The following STK11 variants were observed in gnomAD, a reference collection of about 807,000 sequenced individuals.
The protein encoded by STK11 is serine/threonine kinase 11.
In STK11, 8 loss-of-function variants were observed where a neutral mutation model predicts 47.3. The ratio of observed to expected loss-of-function variants is 0.17; its 90% CI spans 0.10 to 0.31. The LOEUF (loss-of-function observed/expected upper bound fraction) is 0.31, where lower values mean the gene tolerates loss of function less well. STK11 is among the 10% of genes least tolerant of loss of function. The pLI is 1.00. For missense variants in STK11, 475 were observed against 605.0 expected (o/e 0.79, Z 2.25); for synonymous variants, 330 against 255.8 (o/e 1.29, Z -2.77).
chr19:1,221,523 G>C (rs1176087399), intron 6 of STK11, 183 bp downstream of exon 6: 6 of 946,964 alleles, frequency 6.3e-6, no homozygotes, highest in Non-Finnish European at 9.1e-6. Flanking sequence ...GCTCCACCCT[G>C]CTTCTGGGCC....
At chr19:1,219,086 G>A (rs1056508753) in intron 2 of STK11, among the ~76,000 whole-genome samples, 20 of 152,130 alleles carry the variant, frequency 1.3e-4, no homozygotes, top group Admixed American at 1.2e-3. Context: ...CGTGAGCCCC[G>A]CAGGAACGCT....
chr19:1,208,320 T>A (rs1009351250), intron 1 of STK11, among the ~76,000 whole-genome samples: 3 of 150,086 alleles, frequency 2.0e-5, no homozygotes, highest in African/African-American at 7.3e-5. Flanking sequence ...TTTTTTTTTT[T>A]TTTTTGAGAC....
intron 1 of STK11, among the ~76,000 whole-genome samples, chr19:1,209,924 C>A (rs540888365): frequency 6.6e-6 from 1 of 152,270 alleles, no homozygotes; most frequent in Admixed American, 6.5e-5. Context: ...CGCAGCTACC[C>A]ACAGCTTGAC....
chr19:1,225,816 C>T (rs1312636792), intron 8 of STK11: 26 of 986,086 alleles, frequency 2.6e-5, no homozygotes, highest in Admixed American at 6.1e-5. Context: ...AGGGACAGTA[C>T]GTGGGCAGCT....
intron 1 of STK11, among the ~76,000 whole-genome samples, chr19:1,211,067 GA>G (rs2080706882): frequency 6.6e-6 from 1 of 152,096 alleles, no homozygotes; most frequent in East Asian, 1.9e-4. Context: ...CTGAGGTCAG[GA>G]GTTCAAGACC....
intron 1 of STK11, among the ~76,000 whole-genome samples, chr19:1,217,248 C>G (rs1339842232): frequency 6.6e-6 from 1 of 152,090 alleles, no homozygotes; most frequent in African/African-American, 2.4e-5. Flanking sequence ...GGGTCTTATT[C>G]TGTTGTCCAG....
chr19:1,228,189 C>A lies in STK11; in HGVS notation c.*613C>A. On this transcript the variant is annotated 3_prime_UTR_variant, in exon 10 of 10. Transcript: ENST00000326873. The stretch of plus-strand genomic sequence containing the variant: ...CGGCCGCCTTTGCGCTCTCGGGTCA[C>A]CCTGCTTTGGCGGCCCGGCCGGAGG... 1 of 1,038,698 alleles carries A rather than the reference C, an allele frequency of 9.6e-7. No homozygotes were observed. Among genetic ancestry groups the A allele is most frequent in the Non-Finnish European group, 1.2e-6 (1 of 854,998 alleles). 64.3% of individuals were successfully genotyped at this position (1,038,698 alleles called of 1,614,324 possible). A position where few individuals can be genotyped will look rare whatever the true frequency, so the allele number is the denominator to read the frequency against.
At chr19:1,218,321 C>T in intron 1 of STK11, 96 bp from the exon 2 acceptor site, 1 of 997,860 alleles carries the variant, frequency 1.0e-6, no homozygotes, top group South Asian at 1.3e-5. Flanking sequence ...AGGAGGTACG[C>T]CACTTCCACA....
intron 3 of STK11, chr19:1,220,122 G>A: frequency 2.0e-6 from 1 of 494,578 alleles, no homozygotes; most frequent in East Asian, 3.3e-5. Context: ...CCGGCCTGTG[G>A]CCCACAGGAA....
At chr19:1,219,040 GAGGCACCATCCCCCGC>G (rs2080762961) in intron 2 of STK11, among the ~76,000 whole-genome samples, 1 of 152,182 alleles carries the variant, frequency 6.6e-6, no homozygotes, top group Admixed American at 6.5e-5. Flanking sequence ...GGGCGTCCAG[GAGGCACCATCCCCCGC>G]CCATGGGCAG....
At chr19:1,225,454 G>C (rs2080814194) in intron 8 of STK11, 1 of 820,290 alleles carries the variant, frequency 1.2e-6, no homozygotes, top group African/African-American at 1.9e-5. Flanking sequence ...ATGTTTAGTA[G>C]AGACGGGGGT....
intron 7 of STK11, among the ~76,000 whole-genome samples, 200 bp from the exon 8 acceptor site, chr19:1,222,785 T>C: frequency 6.6e-6 from 1 of 152,128 alleles, no homozygotes; most frequent in East Asian, 1.9e-4. Context: ...GGAGGGGACA[T>C]CTGTCAGGCT....
chr19:1,219,025 T>TGG (rs957647136), intron 2 of STK11, among the ~76,000 whole-genome samples: 1 of 151,980 alleles, frequency 6.6e-6, no homozygotes, highest in Non-Finnish European at 1.5e-5. Flanking sequence ...CGAGCCTGCT[T>TGG]GGGGGGGCGT....
intron 3 of STK11, chr19:1,220,045 C>T: frequency 6.4e-6 from 2 of 311,638 alleles, no homozygotes; most frequent in Non-Finnish European, 6.1e-6. Context: ...GAGTCAGGGC[C>T]CCTTGCTGCT....
chr19:1,225,531 A>C (rs1447981816), intron 8 of STK11: 1 of 984,574 alleles, frequency 1.0e-6, no homozygotes. Flanking sequence ...GGCCTCCCAA[A>C]GTGCTGGGAT....
intron 1 of STK11, among the ~76,000 whole-genome samples, chr19:1,213,146 G>A (rs1285758628): frequency 6.6e-6 from 1 of 151,312 alleles, no homozygotes. Context: ...ACAGGCGCCT[G>A]CCACCATGCC....
intron 8 of STK11, chr19:1,223,643 G>A (rs1216889229): frequency 8.4e-6 from 9 of 1,067,730 alleles, no homozygotes; most frequent in Non-Finnish European, 9.1e-6. Context: ...CCTAGGTGGC[G>A]AGGAGGCGTC....
chr19:1,209,027 C>T (rs2080690993), intron 1 of STK11, among the ~76,000 whole-genome samples: 1 of 152,112 alleles, frequency 6.6e-6, no homozygotes, highest in Non-Finnish European at 1.5e-5. Flanking sequence ...ATGGGAGCGG[C>T]TGGGAAGGGT....
intron 6 of STK11, 46 bp from the exon 7 acceptor site, chr19:1,221,903 T>G: frequency 6.5e-7 from 1 of 1,548,904 alleles, no homozygotes; most frequent in Non-Finnish European, 8.7e-7. Context: ...TGGTGGGGTC[T>G]CAGGCCTGTG....
Sources: allele counts gnomAD v4.1 joint callset (sites outside exome capture counted in the v4.1 genomes callset), GRCh38; gene constraint gnomAD v4.1.1; transcripts MANE v1.5; gene names NCBI Gene and HGNC (gene_info 2026-07-23, HGNC 2026-07-21).